The following TFEC variants were observed in gnomAD, a reference collection of about 807,000 sequenced individuals.
The protein encoded by TFEC is class E basic helix-loop-helix protein 34.
In TFEC, 31 loss-of-function variants were observed where a neutral mutation model predicts 41.6. The observed-to-expected ratio is 0.74, with a 90% CI of 0.56 to 1.01. The LOEUF (loss-of-function observed/expected upper bound fraction) is 1.01. Among genes scored for constraint, TFEC ranks in the 50% least tolerant of loss-of-function variants. TFEC has a pLI of 0.00. For synonymous variants in TFEC, 143 were observed against 140.6 expected (o/e 1.02, Z -0.12); for missense variants, 402 against 404.1 (o/e 0.99, Z 0.04).
chr7:115,946,396 CGTGTGT>C (rs3028673), intron 6 of TFEC, among the ~76,000 whole-genome samples: 3,863 of 123,060 alleles, frequency 0.031, 54 homozygotes, highest in Non-Finnish European at 0.04. Flanking sequence ...AGAAACATAA[CGTGTGT>C]GTGTGTGTGT....
chr7:116,025,766 G>A (rs950667567), intron 1 of TFEC, among the ~76,000 whole-genome samples: 1 of 152,158 alleles, frequency 6.6e-6, no homozygotes, highest in African/African-American at 2.4e-5. Context: ...GCTAATCCAT[G>A]TTCAGTTTAA....
chr7:116,149,536 G>A (rs1272010477), intron 1 of TFEC, among the ~76,000 whole-genome samples: 2 of 152,128 alleles, frequency 1.3e-5, no homozygotes, highest in Non-Finnish European at 2.9e-5. Context: ...TAATGGAAGA[G>A]ATTATTCTGA....
chr7:116,051,966 T>C (rs1229630358), intron 3 of TFEC, among the ~76,000 whole-genome samples: 1 of 151,860 alleles, frequency 6.6e-6, no homozygotes, highest in Non-Finnish European at 1.5e-5. Context: ...AAGTCCTTTG[T>C]TCTGAGAAGG....
chr7:115,992,808 T>C (rs575677954), intron 1 of TFEC, among the ~76,000 whole-genome samples: 46 of 152,212 alleles, frequency 3.0e-4, no homozygotes, highest in Non-Finnish European at 5.0e-4. Context: ...CTTCTGAAAC[T>C]ATTCCAATCA....
chr7:116,034,616 G>T (rs1795865672), upstream of TFEC, among the ~76,000 whole-genome samples: 1 of 151,460 alleles, frequency 6.6e-6, no homozygotes, highest in Non-Finnish European at 1.5e-5. Context: ...CACCTGGATT[G>T]CCGCAAAGAC....
intron 2 of TFEC, among the ~76,000 whole-genome samples, chr7:115,977,166 C>T (rs1223173947): frequency 6.6e-6 from 1 of 151,968 alleles, no homozygotes; most frequent in Non-Finnish European, 1.5e-5. Context: ...TTTAAAAAGA[C>T]AAAAAACACA....
chr7:115,962,933 T>C (rs1254254212), intron 3 of TFEC, among the ~76,000 whole-genome samples: 3 of 151,918 alleles, frequency 2.0e-5, no homozygotes, highest in Admixed American at 6.6e-5. Context: ...ACATGTGCCA[T>C]GTTGGTTTGC....
intron 1 of TFEC, among the ~76,000 whole-genome samples, chr7:116,129,493 G>A (rs561139963): frequency 6.6e-6 from 1 of 151,066 alleles, no homozygotes; most frequent in Admixed American, 6.6e-5. Context: ...AATCCCCAAG[G>A]CTCACCAAGA....
chr7:116,058,522 A>T (rs1231494827), intron 3 of TFEC, among the ~76,000 whole-genome samples: 1 of 151,726 alleles, frequency 6.6e-6, no homozygotes, highest in Non-Finnish European at 1.5e-5. Flanking sequence ...AGAAGACTTG[A>T]GCAACATTAT....
rs1214997302 is a variant in TFEC, at chr7:115,939,329, A to T, written c.*1222T>A. 6.6e-6 allele frequency: 1 copy of T among 151,916 alleles called. No individual in the cohort carries two copies. The highest frequency in any genetic ancestry group is 1.9e-4 in the East Asian group (1 of 5,154). The allele number at this position is 151,916 out of a possible 1,614,324, so 9.4% of individuals were successfully genotyped here. A position where few individuals can be genotyped will look rare whatever the true frequency, so the allele number is the denominator to read the frequency against. ...ACGTGCTTGGTAACTTAATTTCCTA[A>T]CCTAAAACAAGCGCAAGAGATAAAA... On this transcript the variant is annotated 3_prime_UTR_variant, in exon 8 of 8. Transcript: ENST00000265440.
At chr7:116,051,742 TACAA>T (rs2130957937) in intron 3 of TFEC, among the ~76,000 whole-genome samples, 1 of 152,298 alleles carries the variant, frequency 6.6e-6, no homozygotes, top group East Asian at 1.9e-4. Flanking sequence ...TAAAAATAGC[TACAA>T]ACATTTATTG....
At chr7:115,967,820 C>T (rs1039400606) in intron 3 of TFEC, among the ~76,000 whole-genome samples, 1 of 151,672 alleles carries the variant, frequency 6.6e-6, no homozygotes, top group African/African-American at 2.4e-5. Context: ...TTTATAAATA[C>T]TTTTGCATCA....
intron 3 of TFEC, among the ~76,000 whole-genome samples, chr7:116,067,665 T>A (rs1361318285): frequency 6.6e-6 from 1 of 151,954 alleles, no homozygotes; most frequent in Non-Finnish European, 1.5e-5. Flanking sequence ...TTAGTAAATA[T>A]TTATTGAGAT....
chr7:116,023,740 A>G (rs1451360045), intron 1 of TFEC, among the ~76,000 whole-genome samples: 1 of 152,258 alleles, frequency 6.6e-6, no homozygotes, highest in Non-Finnish European at 1.5e-5. Flanking sequence ...AAGATTGAAA[A>G]GGGCTCTAAA....
chr7:116,136,952 A>C (rs916844393), intron 1 of TFEC, among the ~76,000 whole-genome samples: 6 of 152,040 alleles, frequency 3.9e-5, no homozygotes, highest in African/African-American at 1.4e-4. Flanking sequence ...CAATGAAGTA[A>C]TTTTCAATGG....
chr7:115,987,719 C>G (rs1021315747), intron 1 of TFEC, among the ~76,000 whole-genome samples: 1 of 152,012 alleles, frequency 6.6e-6, no homozygotes, highest in Non-Finnish European at 1.5e-5. Flanking sequence ...CAGAGAATGA[C>G]AGACAGCAGG....
intron 3 of TFEC, among the ~76,000 whole-genome samples, chr7:116,105,357 T>G (rs1162794586): frequency 6.6e-6 from 1 of 152,130 alleles, no homozygotes; most frequent in Non-Finnish European, 1.5e-5. Context: ...CTACAAATAT[T>G]TTTCTCCAGT....
At chr7:115,973,120 A>C (rs1376800141) in intron 3 of TFEC, among the ~76,000 whole-genome samples, 2 of 152,016 alleles carry the variant, frequency 1.3e-5, no homozygotes, top group Non-Finnish European at 2.9e-5. Flanking sequence ...GCAACAAAAA[A>C]CAGATTTGAA....
chr7:116,004,254 A>C (rs566835730), intron 1 of TFEC, among the ~76,000 whole-genome samples: 62 of 152,290 alleles, frequency 4.1e-4, no homozygotes, highest in Admixed American at 4.1e-3. Context: ...TTAACTAAAA[A>C]TGAGGGAGGA....
Sources: gnomAD v4.1 joint callset for allele counts (sites outside exome capture counted in the v4.1 genomes callset) on GRCh38, gnomAD v4.1.1 for gene constraint, MANE v1.5 for transcripts, NCBI Gene and HGNC (gene_info 2026-07-23, HGNC 2026-07-21) for gene names.